The following CKAP2L variants were observed in gnomAD, a reference collection of about 807,000 sequenced individuals.
The protein encoded by CKAP2L is cytoskeleton associated protein 2L, also known as cytoskeleton-associated protein 2-like.
In CKAP2L, 42 loss-of-function variants were observed where a neutral mutation model predicts 65.7. The observed-to-expected ratio is 0.64, with a 90% CI of 0.50 to 0.83. The LOEUF is 0.83. Among genes scored for constraint, CKAP2L ranks in the 40% least tolerant of loss-of-function variants. The pLI, the probability that CKAP2L is intolerant of heterozygous loss-of-function variation, is 0.00. For synonymous variants in CKAP2L, 325 were observed against 313.5 expected (o/e 1.04, Z -0.39); for missense variants, 908 against 871.0 (o/e 1.04, Z -0.53).
intron 8 of CKAP2L, 126 bp from the exon 9 acceptor site, chr2:112,739,174 G>T (rs1184620728): frequency 1.4e-6 from 1 of 730,602 alleles, no homozygotes; most frequent in Non-Finnish European, 2.2e-6. Flanking sequence ...CAAGAGATAT[G>T]TCTAGAGCAG....
Position 112,746,457 on chromosome 2 carries a change from A to AT in CKAP2L, c.1720dup (p.Ile574AsnfsTer5). ...TTTAATGGCCTCTTCATATAGCCCA[A>AT]TAACATCAAAGGTGCCTTTACTTGC... is the stretch of plus-strand genomic sequence containing the variant. On this transcript the variant is annotated frameshift_variant, in exon 6 of 9. Coordinates refer to ENST00000302450, the MANE Select transcript of CKAP2L (RefSeq NM_152515.5). LOFTEE classifies it high-confidence loss of function. 6.2e-7 allele frequency: 1 copy of AT among 1,613,148 alleles called. No individual in the cohort carries two copies. The highest frequency in any genetic ancestry group is 2.2e-5 in the East Asian group (1 of 44,824).
In CKAP2L at chr2:112,756,740, T is replaced by C. The variant is rs1254665357; in HGVS notation, c.631A>G (p.Thr211Ala). 6.3e-7 allele frequency: 1 copy of C among 1,599,238 alleles called. No individual in the cohort carries two copies. Among genetic ancestry groups the C allele is most frequent in the Non-Finnish European group, 8.5e-7 (1 of 1,175,338 alleles). The change falls in exon 4 of 9, where the codon ACT (threonine) becomes GCT (alanine). Residue 211 changes from threonine (T) to alanine (A), a missense_variant. Coordinates refer to ENST00000302450, the MANE Select transcript of CKAP2L (RefSeq NM_152515.5). ...TTCTTGGTTTGATTATAAGAGTCAGTCTTTGGCTTACTTCTGGTATATAAT... is the reference window on the plus strand; with the variant it reads ...TTCTTGGTTTGATTATAAGAGTCAGCCTTTGGCTTACTTCTGGTATATAAT... The part of the protein sequence containing the change: ...PKLYTRSKPK[T>A]DSYNQTKNSL...
At position 112,756,587 on chromosome 2, in the gene CKAP2L, A is replaced by G; in HGVS notation, c.784T>C (p.Ser262Pro). ...GGTCTTGCAAGATCTGCTCCTCTAG[A>G]GAGTTGCTGTGATTTTACTGGGAAA... is the stretch of plus-strand genomic sequence containing the variant. ...RTFPVKSQQL[S>P]RGADLARPGV... Residue 262 changes from serine to proline, a missense_variant, in exon 4 of 9, where the codon TCT becomes CCT. By Grantham distance (74) the Ser-to-Pro change is moderately conservative. Coordinates refer to ENST00000302450, the MANE Select transcript of CKAP2L (RefSeq NM_152515.5). 6.2e-6 allele frequency: 10 copies of G among 1,613,070 alleles called. No individual in the cohort carries two copies. Among genetic ancestry groups the G allele is most frequent in the Non-Finnish European group, 7.6e-6 (9 of 1,179,712 alleles).
intron 8 of CKAP2L, 52 bp from the exon 9 acceptor site, chr2:112,739,100 C>T: frequency 7.4e-7 from 1 of 1,359,880 alleles, no homozygotes; most frequent in African/African-American, 1.5e-5. Flanking sequence ...AAAAAATTAT[C>T]TTTATTATTT....
At chr2:112,752,043 T>A (rs1044566851) in intron 5 of CKAP2L, among the ~76,000 whole-genome samples, 1 of 152,218 alleles carries the variant, frequency 6.6e-6, no homozygotes, top group Non-Finnish European at 1.5e-5. Flanking sequence ...GTAACAGTGG[T>A]TATGATAATT....
intron 4 of CKAP2L, among the ~76,000 whole-genome samples, 195 bp from the exon 5 acceptor site, chr2:112,752,669 A>C (rs963169013): frequency 1.3e-5 from 2 of 152,248 alleles, no homozygotes; most frequent in Non-Finnish European, 2.9e-5. Context: ...GAAGGCAGAC[A>C]CCAAGATTCT....
chr2:112,739,117 T>A (rs1291042917), intron 8 of CKAP2L, 69 bp from the exon 9 acceptor site: 14 of 1,201,480 alleles, frequency 1.2e-5, no homozygotes, highest in Admixed American at 2.0e-5. Flanking sequence ...ATTTTTTGTT[T>A]CTTATTCAAT....
At chr2:112,750,971 G>C (rs1212764737) in intron 5 of CKAP2L, among the ~76,000 whole-genome samples, 1 of 151,940 alleles carries the variant, frequency 6.6e-6, no homozygotes, top group Non-Finnish European at 1.5e-5. Context: ...TAAAACCTGA[G>C]ATCTTTTAAA....
At position 112,756,810 on chromosome 2, in the gene CKAP2L, G is replaced by A; in HGVS notation, c.561C>T (p.Asn187=). ...CAGGTTCTGTTAAGATATCGAGCAA[G>A]TTCTCTTTGTTTGTTTCTTTTAGAA... ...DNFLKETNKE[N]LLDILTEPER... Residue 187 remains asparagine (N), a synonymous_variant, in exon 4 of 9, where the codon AAC becomes AAT. Transcript: ENST00000302450. 1.2e-6 allele frequency: 2 copies of A among 1,601,568 alleles called. No individual in the cohort carries two copies. Among genetic ancestry groups the A allele is most frequent in the Non-Finnish European group, 1.7e-6 (2 of 1,176,538 alleles).
intron 7 of CKAP2L, chr2:112,742,367 T>C (rs746182357): frequency 1.4e-6 from 1 of 717,258 alleles, no homozygotes; most frequent in Non-Finnish European, 2.6e-6. Context: ...GTGGGTTTAT[T>C]ATGATTAAAC....
At chr2:112,750,756 C>A (rs1680348242) in intron 5 of CKAP2L, among the ~76,000 whole-genome samples, 1 of 148,034 alleles carries the variant, frequency 6.8e-6, no homozygotes, top group African/African-American at 2.5e-5. Context: ...AAGTAAAATT[C>A]AGAGGCAAAT....
intron 7 of CKAP2L, among the ~76,000 whole-genome samples, chr2:112,741,214 C>T (rs1175372124): frequency 1.3e-5 from 2 of 152,096 alleles, no homozygotes; most frequent in African/African-American, 2.4e-5. Context: ...CATCAGGCTA[C>T]CCTCGTAGCC....
Position 112,741,684 on chromosome 2 carries a change from ACTATTAT to A in CKAP2L, c.1823-684_1823-678del, listed in dbSNP as rs140866851. On this transcript the variant is annotated intron_variant, in intron 7 of 8. Transcript: ENST00000302450. ...TTGTAGCCTCATTCTCAAAGAATCT[ACTATTAT>A]CTATTTTATGTCCTTCTTACCACAT... Among the ~76,000 whole-genome samples, 241 of 152,262 alleles carry A rather than the reference ACTATTAT, an allele frequency of 1.6e-3. 1 individual carries two copies. The highest frequency in any genetic ancestry group is 5.5e-3 in the African/African-American group (227 of 41,544).
At position 112,738,892 on chromosome 2, in the gene CKAP2L, T is replaced by C. The variant is rs1679612274; in HGVS notation, c.2169A>G (p.Thr723=). The C allele has an allele frequency of 1.9e-6, 3 of 1,614,054 alleles. No homozygotes were observed. Among genetic ancestry groups the C allele is most frequent in the Admixed American group, 3.3e-5 (2 of 59,998 alleles). Reference sequence around the variant, plus strand: ...CATTTCTACGGAATATAAAACATTTTGTTTCTTCCACTTCTAACAGTTCAT... The same window carrying C: ...CATTTCTACGGAATATAAAACATTTCGTTTCTTCCACTTCTAACAGTTCAT... ...SLDELLEVEE[T]KCFIFRRNEA... is the part of the protein sequence containing the mutation. The change falls in exon 9 of 9, where the codon ACA becomes ACG. Residue 723 remains threonine, a synonymous_variant. Transcript: ENST00000302450.
At chr2:112,751,079 G>A (rs1280351638) in intron 5 of CKAP2L, among the ~76,000 whole-genome samples, 2 of 152,014 alleles carry the variant, frequency 1.3e-5, no homozygotes, top group Non-Finnish European at 2.9e-5. Context: ...AAATTGAGAG[G>A]ATATATACAA....
At chr2:112,755,823 A>G (rs1281487892) in intron 4 of CKAP2L, among the ~76,000 whole-genome samples, 154 bp downstream of exon 4, 1 of 152,064 alleles carries the variant, frequency 6.6e-6, no homozygotes. Flanking sequence ...TCAAGTCTTA[A>G]TATTTGTTAT....
chr2:112,757,391 T>G (rs890077401), intron 3 of CKAP2L, among the ~76,000 whole-genome samples, 177 bp from the exon 4 acceptor site: 41 of 146,156 alleles, frequency 2.8e-4, no homozygotes, highest in African/African-American at 2.5e-5. Flanking sequence ...TTGTGTTTTT[T>G]TTTTTTTTTT....
intron 3 of CKAP2L, among the ~76,000 whole-genome samples, chr2:112,759,575 A>C (rs1230785898): frequency 6.6e-6 from 1 of 152,146 alleles, no homozygotes; most frequent in Non-Finnish European, 1.5e-5. Context: ...GGGAAGTCTG[A>C]ATGAGGGCCC....
At chr2:112,750,929 T>C (rs891219503) in intron 5 of CKAP2L, among the ~76,000 whole-genome samples, 1 of 152,102 alleles carries the variant, frequency 6.6e-6, no homozygotes. Context: ...TGAGGTCTTT[T>C]AAAAAGATTA....
Sources: gnomAD v4.1 joint callset for allele counts (sites outside exome capture counted in the v4.1 genomes callset) on GRCh38, gnomAD v4.1.1 for gene constraint, MANE v1.5 for transcripts, NCBI Gene and HGNC (gene_info 2026-07-23, HGNC 2026-07-21) for gene names.